NRXN3: variants seen among roughly 807,000 people sequenced by gnomAD.
NRXN3 encodes neurexin III.
In NRXN3, 32 loss-of-function variants were observed where a neutral mutation model predicts 137.6. The observed-to-expected ratio is 0.23, with a 90% CI of 0.18 to 0.31. The LOEUF (loss-of-function observed/expected upper bound fraction) is 0.31, where lower values mean the gene tolerates loss of function less well. Ranked by LOEUF, NRXN3 falls within the 10% of genes least tolerant of loss-of-function variation. NRXN3 has a pLI of 1.00. For missense variants in NRXN3, 1,574 were observed against 2,062.5 expected (o/e 0.76, Z 4.59); for synonymous variants, 798 against 784.5 (o/e 1.02, Z -0.29).
At chr14:79,749,232 C>T (rs981357850) in intron 19 of NRXN3, among the ~76,000 whole-genome samples, 7 of 151,908 alleles carry the variant, frequency 4.6e-5, no homozygotes, top group African/African-American at 1.5e-4. Context: ...CAAGGGTGTA[C>T]GGATATGGAA....
At chr14:78,801,507 A>T (rs938378171) in intron 8 of NRXN3, among the ~76,000 whole-genome samples, 1 of 152,152 alleles carries the variant, frequency 6.6e-6, no homozygotes, top group South Asian at 2.1e-4. Context: ...TCAAACACTT[A>T]CAAAACCATC....
At chr14:79,284,469 A>G (rs1056122975) in intron 15 of NRXN3, among the ~76,000 whole-genome samples, 9 of 149,462 alleles carry the variant, frequency 6.0e-5, no homozygotes, top group African/African-American at 2.2e-4. Flanking sequence ...AAGGTTTTAT[A>G]TGTACCTTAA....
At chr14:79,280,369 G>T in intron 15 of NRXN3, 1 of 1,614,058 alleles carries the variant, frequency 6.2e-7, no homozygotes, top group Non-Finnish European at 8.5e-7. Flanking sequence ...TCCTGTTCTG[G>T]GGATGTATCG....
chr14:79,336,812 T>C (rs371519352), intron 15 of NRXN3, among the ~76,000 whole-genome samples: 117 of 152,284 alleles, frequency 7.7e-4, no homozygotes, highest in African/African-American at 2.7e-3. Flanking sequence ...ATCCACACAT[T>C]CTTACTTTCT....
chr14:78,831,397 G>A (rs1464554141), intron 10 of NRXN3, among the ~76,000 whole-genome samples: 2 of 151,762 alleles, frequency 1.3e-5, no homozygotes, highest in African/African-American at 2.4e-5. Flanking sequence ...TTAGCCGGGC[G>A]TGGTTGTAGG....
chr14:79,039,622 A>G (rs2099621851), intron 15 of NRXN3, among the ~76,000 whole-genome samples: 1 of 152,122 alleles, frequency 6.6e-6, no homozygotes, highest in African/African-American at 2.4e-5. Flanking sequence ...ACCACATTCA[A>G]TCAAACTTCT....
intron 15 of NRXN3, among the ~76,000 whole-genome samples, chr14:79,199,261 C>T (rs1243446688): frequency 6.6e-6 from 1 of 151,552 alleles, no homozygotes; most frequent in Non-Finnish European, 1.5e-5. Context: ...CCCTTCTTGT[C>T]TCTCTATTTT....
chr14:78,904,202 G>A (rs779522719), intron 10 of NRXN3, among the ~76,000 whole-genome samples: 23 of 152,052 alleles, frequency 1.5e-4, no homozygotes, highest in Non-Finnish European at 2.5e-4. Context: ...TCTCAACCAG[G>A]GGCAATTTTT....
At chr14:79,510,638 C>G (rs2096923641) in intron 16 of NRXN3, among the ~76,000 whole-genome samples, 1 of 152,008 alleles carries the variant, frequency 6.6e-6, no homozygotes, top group Non-Finnish European at 1.5e-5. Context: ...CTAGAACTAC[C>G]CAGGAGGGTA....
chr14:78,910,696 C>G (rs2099234854), intron 10 of NRXN3, among the ~76,000 whole-genome samples: 1 of 152,122 alleles, frequency 6.6e-6, no homozygotes, highest in Non-Finnish European at 1.5e-5. Flanking sequence ...AAATTCTTCA[C>G]TAATTTGCTT....
intron 1 of NRXN3, among the ~76,000 whole-genome samples, chr14:78,172,682 C>T (rs1224435140): frequency 1.3e-5 from 2 of 152,020 alleles, no homozygotes; most frequent in Admixed American, 6.5e-5. Flanking sequence ...ACTGGAAGTT[C>T]GCTATTAAAG....
At chr14:78,961,258 A>C (rs1263222768) in intron 11 of NRXN3, among the ~76,000 whole-genome samples, 1 of 152,118 alleles carries the variant, frequency 6.6e-6, no homozygotes, top group African/African-American at 2.4e-5. Flanking sequence ...GTTTCCCATT[A>C]TTATTCTTTT....
At chr14:79,352,912 C>T (rs2093275240) in intron 15 of NRXN3, among the ~76,000 whole-genome samples, 1 of 152,100 alleles carries the variant, frequency 6.6e-6, no homozygotes, top group Non-Finnish European at 1.5e-5. Flanking sequence ...TAAACTTCCT[C>T]TGAAATCAAA....
chr14:79,065,149 A>AGTACAGTGTATTTG (rs2099679220), intron 15 of NRXN3, among the ~76,000 whole-genome samples: 1 of 152,020 alleles, frequency 6.6e-6, no homozygotes, highest in Admixed American at 6.6e-5. Flanking sequence ...TTACTTACAT[A>AGTACAGTGTATTTG]GTACAGTGTA....
chr14:79,664,400 G>A (rs2098548393), intron 17 of NRXN3, among the ~76,000 whole-genome samples: 1 of 152,146 alleles, frequency 6.6e-6, no homozygotes, highest in African/African-American at 2.4e-5. Flanking sequence ...TGAACTTGAA[G>A]ACACAGATCA....
At chr14:78,738,329 T>C (rs1297596160) in intron 8 of NRXN3, among the ~76,000 whole-genome samples, 3 of 152,196 alleles carry the variant, frequency 2.0e-5, no homozygotes, top group Non-Finnish European at 4.4e-5. Flanking sequence ...TCTGATGAAC[T>C]CAAACCTGGT....
At chr14:79,534,141 A>G (rs1216360533) in intron 16 of NRXN3, among the ~76,000 whole-genome samples, 1 of 152,172 alleles carries the variant, frequency 6.6e-6, no homozygotes, top group East Asian at 1.9e-4. Flanking sequence ...GTTCTAGTAC[A>G]GTTGTGTCAA....
intron 4 of NRXN3, among the ~76,000 whole-genome samples, chr14:78,405,789 A>G (rs1464503012): frequency 6.6e-6 from 1 of 152,162 alleles, no homozygotes; most frequent in Non-Finnish European, 1.5e-5. Flanking sequence ...AAAAATATGG[A>G]CTTAATATCA....
chr14:79,133,776 A>C (rs909308035), intron 15 of NRXN3, among the ~76,000 whole-genome samples: 1 of 151,848 alleles, frequency 6.6e-6, no homozygotes, highest in Non-Finnish European at 1.5e-5. Flanking sequence ...ATACAAAAAA[A>C]AAATTAGGTG....
Sources: allele counts gnomAD v4.1 joint callset (sites outside exome capture counted in the v4.1 genomes callset), GRCh38; gene constraint gnomAD v4.1.1; transcripts MANE v1.5; gene names NCBI Gene and HGNC (gene_info 2026-07-23, HGNC 2026-07-21).